The following CACNA2D1 variants were observed in gnomAD, a reference collection of about 807,000 sequenced individuals.
The protein encoded by CACNA2D1 is voltage-dependent calcium channel subunit alpha-2/delta-1.
A neutral mutation model predicts 171.5 loss-of-function variants in CACNA2D1; 53 were observed. The observed-to-expected ratio is 0.31, with a 90% CI of 0.25 to 0.39. CACNA2D1 has a LOEUF of 0.39. CACNA2D1 is among the 10% of genes least tolerant of loss of function. CACNA2D1 has a pLI of 1.00. For synonymous variants in CACNA2D1, 442 were observed against 443.1 expected (o/e 1.00, Z 0.03); for missense variants, 903 against 1,299.8 (o/e 0.69, Z 4.69).
chr7:81,960,916 CTCCTCTTTATAT>C (rs1348371448), intron 36 of CACNA2D1, among the ~76,000 whole-genome samples: 1 of 152,018 alleles, frequency 6.6e-6, no homozygotes, highest in African/African-American at 2.4e-5. Flanking sequence ...TCCCTTTCCT[CTCCTCTTTATAT>C]ACTCTACCTC....
intron 16 of CACNA2D1, 101 bp downstream of exon 16, chr7:82,007,578 T>A: frequency 1.4e-6 from 1 of 737,042 alleles, no homozygotes; most frequent in South Asian, 1.6e-5. Flanking sequence ...ACAAGACAAT[T>A]ACACTGCATG....
intron 2 of CACNA2D1, among the ~76,000 whole-genome samples, chr7:82,344,810 A>C (rs541052307): frequency 1.3e-5 from 2 of 152,304 alleles, no homozygotes; most frequent in South Asian, 2.1e-4. Context: ...TTGTTGAGGA[A>C]AGTAAGGCAA....
chr7:82,380,257 G>GA (rs1297073227), intron 1 of CACNA2D1, among the ~76,000 whole-genome samples: 1 of 152,148 alleles, frequency 6.6e-6, no homozygotes, highest in African/African-American at 2.4e-5. Context: ...TGGAAAGGTA[G>GA]AAAACATCCA....
chr7:82,317,377 G>A (rs1186197804), intron 3 of CACNA2D1, among the ~76,000 whole-genome samples: 1 of 152,182 alleles, frequency 6.6e-6, no homozygotes, highest in East Asian at 1.9e-4. Context: ...TGTGTGTACG[G>A]CTGAGAGGAA....
chr7:82,321,272 G>A (rs1232603358), intron 3 of CACNA2D1, among the ~76,000 whole-genome samples: 4 of 152,018 alleles, frequency 2.6e-5, no homozygotes, highest in African/African-American at 9.7e-5. Context: ...GGTGGTGCGC[G>A]CTTGTAACCC....
At chr7:81,959,041 T>TTTGAAAGCACAATTTC in intron 38 of CACNA2D1, among the ~76,000 whole-genome samples, 1 of 152,058 alleles carries the variant, frequency 6.6e-6, no homozygotes, top group East Asian at 1.9e-4. Flanking sequence ...TGGAATTGTG[T>TTTGAAAGCACAATTTC]TTGAAAGCAC....
In CACNA2D1 at chr7:81,982,744, C is replaced by T. The variant is rs776381339; in HGVS notation, c.1895-117G>A. Reference sequence around the variant, plus strand: ...AATAAGAAAAATTGAAAATAGAGTACTTACATCCTAAAATTGAAACATATC... The same window carrying T: ...AATAAGAAAAATTGAAAATAGAGTATTTACATCCTAAAATTGAAACATATC... On this transcript the variant is annotated intron_variant, in intron 23 of 38. Coordinates refer to ENST00000356860, the MANE Select transcript of CACNA2D1 (RefSeq NM_000722.4). 20 of 761,714 alleles carry T rather than the reference C, an allele frequency of 2.6e-5. No homozygotes were observed. In the South Asian group the frequency reaches 2.8e-4, roughly 10 times the overall value. 47.2% of individuals were successfully genotyped at this position (761,714 alleles called of 1,614,324 possible). A position where few individuals can be genotyped will look rare whatever the true frequency, so the allele number is the denominator to read the frequency against.
chr7:82,328,714 GAAA>G (rs1398481899), intron 3 of CACNA2D1, among the ~76,000 whole-genome samples: 5 of 152,018 alleles, frequency 3.3e-5, no homozygotes, highest in African/African-American at 1.2e-4. Flanking sequence ...AAATAGACAA[GAAA>G]GAAATACATT....
intron 4 of CACNA2D1, among the ~76,000 whole-genome samples, chr7:82,164,560 C>T (rs962393670): frequency 6.6e-6 from 1 of 151,966 alleles, no homozygotes; most frequent in Admixed American, 6.6e-5. Flanking sequence ...CAGTCATTTA[C>T]TCTGCTTTGA....
chr7:82,117,825 A>C (rs1789258775), intron 5 of CACNA2D1, among the ~76,000 whole-genome samples: 1 of 152,094 alleles, frequency 6.6e-6, no homozygotes, highest in Admixed American at 6.6e-5. Context: ...AATAATAAGA[A>C]ACTAGAGAGG....
At chr7:82,064,440 A>G (rs1807350582) in intron 8 of CACNA2D1, 86 bp from the exon 9 acceptor site, 3 of 1,032,644 alleles carry the variant, frequency 2.9e-6, no homozygotes, top group Non-Finnish European at 4.5e-6. Context: ...TGACTCTGAG[A>G]CAAGGTTTTT....
intron 3 of CACNA2D1, among the ~76,000 whole-genome samples, chr7:82,270,655 A>T (rs1286022732): frequency 6.6e-6 from 1 of 152,100 alleles, no homozygotes; most frequent in Non-Finnish European, 1.5e-5. Context: ...TGTGAAATGG[A>T]TATCCACACA....
chr7:81,996,862 A>G (rs1374709709), intron 19 of CACNA2D1, among the ~76,000 whole-genome samples: 1 of 151,958 alleles, frequency 6.6e-6, no homozygotes, highest in Non-Finnish European at 1.5e-5. Flanking sequence ...ACACTATAAC[A>G]ACATCCTCCA....
intron 4 of CACNA2D1, among the ~76,000 whole-genome samples, chr7:82,150,989 A>C (rs775947883): frequency 5.3e-5 from 8 of 152,172 alleles, no homozygotes; most frequent in Non-Finnish European, 1.2e-4. Flanking sequence ...TTATATTTCA[A>C]ATAGCTTTTT....
intron 6 of CACNA2D1, among the ~76,000 whole-genome samples, chr7:82,114,197 A>G (rs1267299949): frequency 6.6e-6 from 1 of 152,190 alleles, no homozygotes; most frequent in South Asian, 2.1e-4. Flanking sequence ...TTTTTAAAAA[A>G]ATTTTTTAAA....
intron 18 of CACNA2D1, among the ~76,000 whole-genome samples, chr7:82,003,008 T>A (rs1488324797): frequency 3.9e-5 from 6 of 152,144 alleles, no homozygotes; most frequent in Non-Finnish European, 8.8e-5. Context: ...AATTAAGATT[T>A]TGTTAGTATA....
chr7:81,981,923 T>C (rs1796477026), intron 24 of CACNA2D1, among the ~76,000 whole-genome samples: 1 of 152,168 alleles, frequency 6.6e-6, no homozygotes, highest in South Asian at 2.1e-4. Flanking sequence ...AAATCCATTA[T>C]TATGTTCATT....
intron 1 of CACNA2D1, among the ~76,000 whole-genome samples, chr7:82,428,842 C>T (rs974068843): frequency 3.9e-5 from 6 of 152,168 alleles, no homozygotes; most frequent in Admixed American, 1.3e-4. Context: ...ACTCAAAATC[C>T]TGAATATTCC....
intron 3 of CACNA2D1, among the ~76,000 whole-genome samples, chr7:82,314,022 T>A (rs985938989): frequency 6.6e-6 from 1 of 152,188 alleles, no homozygotes; most frequent in African/African-American, 2.4e-5. Context: ...TTTTTACATA[T>A]ATCCAGTGCT....
Sources: gnomAD v4.1 joint callset for allele counts (sites outside exome capture counted in the v4.1 genomes callset) on GRCh38, gnomAD v4.1.1 for gene constraint, MANE v1.5 for transcripts, NCBI Gene and HGNC (gene_info 2026-07-23, HGNC 2026-07-21) for gene names.